The following WWOX variants were observed in gnomAD, a reference collection of about 807,000 sequenced individuals.
WWOX encodes the protein WW domain-containing oxidoreductase.
In WWOX, 69 loss-of-function variants were observed where a neutral mutation model predicts 46.2. The observed-to-expected ratio is 1.49, with a 90% CI of 1.23 to 1.82. WWOX has a LOEUF of 1.82. WWOX is among the 40% of genes most tolerant of loss of function. The pLI is 0.00. For synonymous variants in WWOX, 359 were observed against 202.6 expected (o/e 1.77, Z -6.56); for missense variants, 919 against 542.6 (o/e 1.69, Z -6.89).
chr16:78,306,354 G>A (rs1183857999), intron 5 of WWOX, among the ~76,000 whole-genome samples: 1 of 152,108 alleles, frequency 6.6e-6, no homozygotes, highest in Admixed American at 6.6e-5. Context: ...ATGTGTTACT[G>A]GTCAGGCGAT....
At chr16:78,205,120 A>G (rs749222190) in intron 5 of WWOX, among the ~76,000 whole-genome samples, 2 of 152,212 alleles carry the variant, frequency 1.3e-5, no homozygotes, top group Non-Finnish European at 2.9e-5. Flanking sequence ...TGGATATTAA[A>G]GAACTCTGTG....
intron 8 of WWOX, among the ~76,000 whole-genome samples, chr16:78,740,340 A>G (rs775628419): frequency 1.3e-5 from 2 of 152,200 alleles, no homozygotes; most frequent in African/African-American, 4.8e-5. Context: ...AGTTAAATCA[A>G]GCAGCCTCTC....
Position 78,521,379 on chromosome 16 carries a change from T to G in WWOX, c.1056+88627T>G, listed in dbSNP as rs1030602681. On this transcript the variant is annotated intron_variant, in intron 8 of 8. Coordinates refer to ENST00000566780, the MANE Select transcript of WWOX (RefSeq NM_016373.4). ...CCTTGATATTATTTTTTAATGGGGG[T>G]GTGTGGGTGGGTGGTGATGGGGATA... 2.0e-5 allele frequency among the ~76,000 whole-genome samples: 3 copies of G among 151,368 alleles called. No individual in the cohort carries two copies. In the East Asian group the frequency reaches 5.8e-4, roughly 30 times the overall value.
chr16:78,728,749 A>T (rs2048894658), intron 8 of WWOX, among the ~76,000 whole-genome samples: 1 of 152,162 alleles, frequency 6.6e-6, no homozygotes, highest in African/African-American at 2.4e-5. Flanking sequence ...GAGGGAAAAC[A>T]ATCTTCCTTG....
intron 5 of WWOX, among the ~76,000 whole-genome samples, chr16:78,213,715 A>G (rs1597359727): frequency 6.6e-6 from 1 of 152,152 alleles, no homozygotes; most frequent in Non-Finnish European, 1.5e-5. Context: ...CTTCTGTGCC[A>G]TGACAAATAC....
At chr16:78,680,420 G>C (rs2142230842) in intron 8 of WWOX, among the ~76,000 whole-genome samples, 1 of 152,256 alleles carries the variant, frequency 6.6e-6, no homozygotes, top group African/African-American at 2.4e-5. Context: ...TGTAGTCCTA[G>C]CTACTCGGGA....
intron 8 of WWOX, among the ~76,000 whole-genome samples, chr16:78,858,879 A>G (rs963436092): frequency 5.6e-4 from 85 of 150,590 alleles, no homozygotes; most frequent in Admixed American, 5.5e-3. Context: ...GGGTCTCACC[A>G]TGTTGCCCAG....
At chr16:78,566,919 A>T (rs76909074) in intron 8 of WWOX, among the ~76,000 whole-genome samples, 3,124 of 152,328 alleles carry the variant, frequency 0.021, 113 homozygotes, top group African/African-American at 0.071. Context: ...TATTAGTAAT[A>T]GCAGCAGTAT....
intron 8 of WWOX, among the ~76,000 whole-genome samples, chr16:78,933,538 G>A (rs1005421250): frequency 6.6e-6 from 1 of 152,246 alleles, no homozygotes; most frequent in Non-Finnish European, 1.5e-5. Flanking sequence ...AGGAGCCAGT[G>A]TGAACTGCTC....
At chr16:78,634,691 G>A (rs2046521452) in intron 8 of WWOX, among the ~76,000 whole-genome samples, 1 of 143,996 alleles carries the variant, frequency 6.9e-6, no homozygotes, top group Non-Finnish European at 1.5e-5. Context: ...GGGTGACAGA[G>A]CAAGACTCTG....
intron 8 of WWOX, among the ~76,000 whole-genome samples, chr16:78,513,498 T>G (rs1428777716): frequency 6.6e-6 from 1 of 152,220 alleles, no homozygotes; most frequent in Non-Finnish European, 1.5e-5. Context: ...TGTATCTTAC[T>G]GTATGATGGT....
rs185783234 is a variant in WWOX, at chr16:79,007,179, T to C, written c.1057-204429T>C. Among the ~76,000 whole-genome samples, 407 of 152,258 alleles carry C rather than the reference T, an allele frequency of 2.7e-3. 1 individual carries two copies. The highest frequency in any genetic ancestry group is 9.3e-3 in the African/African-American group (385 of 41,542). On this transcript the variant is annotated intron_variant, in intron 8 of 8. Coordinates refer to ENST00000566780, the MANE Select transcript of WWOX (RefSeq NM_016373.4). ...ATGTTCCAGTGAGGGTGAAGGGCGTTGAAGAAGTCAACGAGAAAGTCAAGT... is the reference window on the plus strand; with the variant it reads ...ATGTTCCAGTGAGGGTGAAGGGCGTCGAAGAAGTCAACGAGAAAGTCAAGT...
chr16:78,888,609 T>C (rs1010134848), intron 8 of WWOX, among the ~76,000 whole-genome samples: 3 of 152,168 alleles, frequency 2.0e-5, no homozygotes, highest in Non-Finnish European at 2.9e-5. Flanking sequence ...AATGAGGACT[T>C]AAATGTGTCC....
At chr16:78,594,581 G>A (rs2045438304) in intron 8 of WWOX, among the ~76,000 whole-genome samples, 1 of 151,848 alleles carries the variant, frequency 6.6e-6, no homozygotes, top group Admixed American at 6.6e-5. Context: ...GGTGGCATAA[G>A]CCATGGCATT....
intron 5 of WWOX, among the ~76,000 whole-genome samples, chr16:78,205,860 C>A (rs2036375241): frequency 6.6e-6 from 1 of 151,796 alleles, no homozygotes; most frequent in Non-Finnish European, 1.5e-5. Flanking sequence ...TTCCTTCCTT[C>A]CTTCCTTCCG....
At chr16:78,368,341 C>T (rs1445373107) in intron 5 of WWOX, among the ~76,000 whole-genome samples, 1 of 152,144 alleles carries the variant, frequency 6.6e-6, no homozygotes, top group Non-Finnish European at 1.5e-5. Flanking sequence ...TGGCCCTTAG[C>T]CACAATTTCC....
intron 8 of WWOX, among the ~76,000 whole-genome samples, chr16:79,040,512 G>C (rs2047950636): frequency 1.3e-5 from 2 of 152,066 alleles, no homozygotes; most frequent in South Asian, 2.1e-4. Flanking sequence ...CTGAGCTCAG[G>C]TGATCTACCT....
chr16:78,720,757 T>C (rs1319070290), intron 8 of WWOX, among the ~76,000 whole-genome samples: 5 of 152,138 alleles, frequency 3.3e-5, no homozygotes, highest in African/African-American at 4.8e-5. Context: ...TTCTAGAATT[T>C]AGGGTTATTC....
chr16:78,147,675 C>CTTTTTTTTT (rs33931881), intron 4 of WWOX, among the ~76,000 whole-genome samples: 4 of 90,636 alleles, frequency 4.4e-5, no homozygotes, highest in African/African-American at 1.4e-4. Flanking sequence ...TTCTTTCTTC[C>CTTTTTTTTT]TTTTTTTTTT....
Sources: gnomAD v4.1 joint callset for allele counts (sites outside exome capture counted in the v4.1 genomes callset) on GRCh38, gnomAD v4.1.1 for gene constraint, MANE v1.5 for transcripts, NCBI Gene and HGNC (gene_info 2026-07-23, HGNC 2026-07-21) for gene names.